AGRN: variants seen among roughly 807,000 people sequenced by gnomAD.
AGRN encodes the protein agrin.
A neutral mutation model predicts 211.0 loss-of-function variants in AGRN; 106 were observed. The observed-to-expected ratio is 0.50, with a 90% CI of 0.43 to 0.59. The LOEUF (loss-of-function observed/expected upper bound fraction) is 0.59, where lower values mean the gene tolerates loss of function less well. AGRN is among the 20% of genes least tolerant of loss of function. The pLI, the probability that AGRN is intolerant of heterozygous loss-of-function variation, is 0.00. For missense variants in AGRN, 3,040 were observed against 2,982.6 expected (o/e 1.02, Z -0.45); for synonymous variants, 1,525 against 1,332.5 (o/e 1.14, Z -3.15).
At chr1:1,044,870 T>C (rs1158052103) in intron 12 of AGRN, among the ~76,000 whole-genome samples, 1 of 152,222 alleles carries the variant, frequency 6.6e-6, no homozygotes, top group African/African-American at 2.4e-5. Flanking sequence ...TTCAGATGTC[T>C]GTTTCTCGAT....
intron 10 of AGRN, 41 bp from the exon 11 acceptor site, chr1:1,044,068 G>A (rs1436215495): frequency 9.3e-6 from 15 of 1,612,664 alleles, no homozygotes; most frequent in South Asian, 4.4e-5. Flanking sequence ...TCTGGCTTTG[G>A]ACAAGAAGCC....
At position 1,046,435 on chromosome 1, in the gene AGRN, G is replaced by A. The variant is rs371483148; in HGVS notation, c.2950G>A (p.Val984Met). 93 of 1,612,308 alleles carry A rather than the reference G, an allele frequency of 5.8e-5. No homozygotes were observed. Among genetic ancestry groups the A allele is most frequent in the Middle Eastern group, 5.0e-4 (3 of 6,060 alleles). ...CAGCACTCACCCGACATCTGCCTCC[G>A]TGACTGTGACCACCCCAGGGCTCCT... ...APSTHPTSAS[V>M]TVTTPGLLLS... Residue 984 changes from valine to methionine, a missense_variant, in exon 18 of 36, where the codon GTG becomes ATG. By Grantham distance (21) the Val-to-Met change is conservative. This residue lies in a region of AGRN where 5 missense variants were observed against 19.7 expected (regional missense o/e 0.25). Transcript: ENST00000379370.
In AGRN at chr1:1,048,778, A is replaced by G. The variant is rs1304770907; in HGVS notation, c.4106-89A>G. On this transcript the variant is annotated intron_variant, in intron 23 of 35. Transcript: ENST00000379370. This position sits in a 1 kb window ranked among gnomAD's most constrained non-coding sequence, Gnocchi z 5.9. ...GCAAAACTCCGTCTCAAAAAAAAAA[A>G]AAAAAAAAAAAGCAGGGGGCGGTTT... is the stretch of plus-strand genomic sequence containing the variant. 1 of 261,014 alleles carries G rather than the reference A, an allele frequency of 3.8e-6. No individual in the cohort carries two copies. Among genetic ancestry groups the G allele is most frequent in the African/African-American group, 2.8e-5 (1 of 35,090 alleles). 16.2% of individuals were successfully genotyped at this position (261,014 alleles called of 1,614,324 possible).
rs760318220 is a variant in AGRN, at chr1:1,046,399, G to A, written c.2914G>A (p.Ala972Thr). 19 of 1,611,576 alleles carry A rather than the reference G, an allele frequency of 1.2e-5. No individual in the cohort carries two copies. The highest frequency in any genetic ancestry group is 4.4e-5 in the South Asian group (4 of 90,968). Residue 972 changes from alanine to threonine, a missense_variant and splice_region_variant, in exon 18 of 36, where the codon GCT (alanine) becomes ACT (threonine). Ala to Thr is a moderately conservative substitution (Grantham distance 58, BLOSUM62 0). Transcript: ENST00000379370. ...CGCCAACCTCCCTCTCCTTGCAGAG[G>A]CTGTTGCTCCCAGCACTCACCCGAC... ...SIQSLGPCQE[A>T]VAPSTHPTSA...
Position 1,054,501 on chromosome 1 carries a change from C to T in AGRN, c.5930C>T (p.Ser1977Phe). ...QVGNEAPVTG[S>F]SPLGATQLDT... is the part of the protein sequence containing the mutation. ...GGCAATGAGGCCCCTGTGACCGGCT[C>T]CTCCCCGCTGGGCGCCACGCAGCTG... Residue 1977 changes from serine to phenylalanine, a missense_variant, in exon 35 of 36, where the codon TCC becomes TTC. Ser to Phe is a radical substitution (Grantham distance 155, BLOSUM62 -2). Coordinates refer to ENST00000379370, the MANE Select transcript of AGRN (RefSeq NM_198576.4). 1 of 1,603,734 alleles carries T rather than the reference C, an allele frequency of 6.2e-7. No individual in the cohort carries two copies. The highest frequency in any genetic ancestry group is 8.5e-7 in the Non-Finnish European group (1 of 1,176,080).
intron 7 of AGRN, among the ~76,000 whole-genome samples, chr1:1,042,759 G>A (rs142709521): frequency 6.6e-6 from 1 of 151,996 alleles, no homozygotes; most frequent in Non-Finnish European, 1.5e-5. Context: ...GTCTGCCCCT[G>A]GTGCGGCAGG....
Position 1,055,514 on chromosome 1 carries a change from G to A in AGRN, c.*533G>A, listed in dbSNP as rs367551550. On this transcript the variant is annotated 3_prime_UTR_variant, in exon 36 of 36. Coordinates refer to ENST00000379370, the MANE Select transcript of AGRN (RefSeq NM_198576.4). ...TCTGCGTTGCTCCCGTGCTGCCTGC[G>A]CCAGCCCCAGGCTGCTGAGGAGCAG... is the stretch of plus-strand genomic sequence containing the variant. The A allele has an allele frequency of 7.0e-5, 15 of 214,168 alleles. No homozygotes were observed. The East Asian group carries it at 7.4e-4, about 11-fold the overall frequency. 13.3% of individuals were successfully genotyped at this position (214,168 alleles called of 1,614,324 possible). A position where few individuals can be genotyped will look rare whatever the true frequency, so the allele number is the denominator to read the frequency against.
rs1645187320 is a variant in AGRN at position 1,049,024 on chromosome 1, G to A, written c.4263G>A (p.Leu1421=). 1.3e-6 allele frequency: 2 copies of A among 1,576,874 alleles called. No individual in the cohort carries two copies. The highest frequency in any genetic ancestry group is 1.4e-5 in the African/African-American group (1 of 73,440). Residue 1421 remains leucine (L), a synonymous_variant, in exon 24 of 36, where the codon CTG becomes CTA. Transcript: ENST00000379370. The part of the protein sequence containing the change: ...YNGNARGKDF[L]ALALLDGRVQ... ...GCAACGCCCGGGGCAAGGACTTCCT[G>A]GCATTGGCGCTGCTAGATGGCCGCG...
intron 2 of AGRN, among the ~76,000 whole-genome samples, chr1:1,029,824 C>CAT (rs1557688468): frequency 1.3e-4 from 8 of 63,418 alleles, no homozygotes; most frequent in South Asian, 7.7e-4. Context: ...GTGAGATCAG[C>CAT]GTGTGTGTGT....
intron 2 of AGRN, among the ~76,000 whole-genome samples, chr1:1,024,419 A>ATG (rs1402449332): frequency 6.6e-6 from 1 of 151,920 alleles, no homozygotes; most frequent in Non-Finnish European, 1.5e-5. Context: ...AGGGGGATGG[A>ATG]TGGAGGGAGC....
intron 2 of AGRN, among the ~76,000 whole-genome samples, chr1:1,029,066 G>A (rs1248548604): frequency 2.2e-5 from 3 of 136,156 alleles, no homozygotes; most frequent in South Asian, 2.6e-4. Flanking sequence ...CCAAGGAACC[G>A]AGCCCCAGCC....
intron 19 of AGRN, 78 bp downstream of exon 19, chr1:1,047,035 A>G: frequency 6.5e-7 from 1 of 1,542,136 alleles, no homozygotes; most frequent in Non-Finnish European, 8.8e-7. Context: ...CCTGGGCAGC[A>G]GGTCAGTGCC....
chr1:1,034,502 C>G, intron 2 of AGRN: 1 of 985,804 alleles, frequency 1.0e-6, no homozygotes, highest in Non-Finnish European at 1.2e-6. Context: ...CAAGGGCACC[C>G]CGTGAGGAGC....
chr1:1,043,315 G>T lies in AGRN; in HGVS notation c.1461G>T (p.Ala487=). The part of the protein sequence containing the change: ...ATCAVKNGQA[A]CECLQACSSL... ...GTGCTGTGAAGAACGGGCAGGCAGC[G>T]TGTGAATGCCTGCAGGCGTGCTCGA... The change falls in exon 8 of 36, where the codon GCG becomes GCT. Residue 487 remains alanine (A), a synonymous_variant. Transcript: ENST00000379370. The T allele has an allele frequency of 6.2e-7, 1 of 1,611,036 alleles. No homozygotes were observed. The highest frequency in any genetic ancestry group is 8.5e-7 in the Non-Finnish European group (1 of 1,179,374).
At chr1:1,052,918 A>C in intron 33 of AGRN, 1 of 163,634 alleles carries the variant, frequency 6.1e-6, no homozygotes, top group Non-Finnish European at 1.3e-5. Context: ...GTCCGTGTAT[A>C]TGCGTGTATA....
At chr1:1,036,828 T>C (rs1213656598) in intron 3 of AGRN, among the ~76,000 whole-genome samples, 1 of 152,180 alleles carries the variant, frequency 6.6e-6, no homozygotes, top group Non-Finnish European at 1.5e-5. Flanking sequence ...GATTGAGGCC[T>C]CTGAGGGGCC....
chr1:1,038,513 AGGACCTCGGGCT>A (rs1644853901), intron 3 of AGRN, among the ~76,000 whole-genome samples: 1 of 152,226 alleles, frequency 6.6e-6, no homozygotes, highest in Non-Finnish European at 1.5e-5. Flanking sequence ...GGGACGTAGC[AGGACCTCGGGCT>A]GGACTATGGA....
Position 1,041,477 on chromosome 1 carries a change from G to T in AGRN, c.953-1G>T, listed in dbSNP as rs1644935395. On this transcript the variant is annotated splice_acceptor_variant, in intron 5 of 35. Transcript: ENST00000379370. LOFTEE classifies it high-confidence loss of function. Reference sequence around the variant, plus strand: ...TCCTGACTCCTGCCCTCGACCCCCAGACCCCTGTCAGGGCGCCCTCCCTGA... The same window carrying T: ...TCCTGACTCCTGCCCTCGACCCCCATACCCCTGTCAGGGCGCCCTCCCTGA... 6.3e-7 allele frequency: 1 copy of T among 1,591,006 alleles called. No individual in the cohort carries two copies. Among genetic ancestry groups the T allele is most frequent in the Non-Finnish European group, 8.5e-7 (1 of 1,175,776 alleles).
chr1:1,052,418 G>A (rs1645324153), intron 33 of AGRN: 1 of 310,034 alleles, frequency 3.2e-6, no homozygotes, highest in African/African-American at 2.2e-5. Context: ...TATATGTGGG[G>A]GGGACATGTA....
Sources: gnomAD v4.1 joint callset for allele counts (sites outside exome capture counted in the v4.1 genomes callset) on GRCh38, gnomAD v4.1.1 for gene constraint, gnomAD v4.1.1 regional missense constraint, Gnocchi (gnomAD v3.1) non-coding constraint, MANE v1.5 for transcripts, NCBI Gene and HGNC (gene_info 2026-07-23, HGNC 2026-07-21) for gene names.